ZNF407: variants seen among roughly 807,000 people sequenced by gnomAD.
The protein encoded by ZNF407 is zinc finger protein 407.
ZNF407 carries 17 observed loss-of-function variants against 131.2 expected under a neutral mutation model. That is an observed-to-expected ratio of 0.13 (90% CI 0.09 to 0.19). ZNF407 has a LOEUF of 0.19. ZNF407 is among the 10% of genes least tolerant of loss of function. ZNF407 has a pLI of 1.00. For synonymous variants in ZNF407, 1,156 were observed against 1,062.0 expected (o/e 1.09, Z -1.72); for missense variants, 2,681 against 2,830.6 (o/e 0.95, Z 1.20).
chr18:74,829,796 T>C (rs1301779895), intron 4 of ZNF407, among the ~76,000 whole-genome samples: 3 of 152,234 alleles, frequency 2.0e-5, no homozygotes, highest in African/African-American at 4.8e-5. Flanking sequence ...AATTCTGGTC[T>C]TTCACCTAAG....
chr18:74,985,079 G>A lies in ZNF407; in HGVS notation c.5428+64387G>A, dbSNP rs76903079. Among the ~76,000 whole-genome samples, 1,457 of 152,224 alleles carry A rather than the reference G, an allele frequency of 9.6e-3. 14 individuals carry two copies. Among genetic ancestry groups the A allele is most frequent in the African/African-American group, 0.027 (1,125 of 41,536 alleles). ...GACCCCAAAGACCGAATGCATTGTCGATATTTGAGCACAGTTCTGATTAGT... is the reference window on the plus strand; with the variant it reads ...GACCCCAAAGACCGAATGCATTGTCAATATTTGAGCACAGTTCTGATTAGT... On this transcript the variant is annotated intron_variant, in intron 8 of 8. Coordinates refer to ENST00000299687, the MANE Select transcript of ZNF407 (RefSeq NM_017757.3).
At chr18:74,804,097 G>T in intron 4 of ZNF407, 1 of 1,544,508 alleles carries the variant, frequency 6.5e-7, no homozygotes, top group Non-Finnish European at 8.7e-7. Flanking sequence ...GGGAGGATTG[G>T]CTGAGGACTT....
intron 4 of ZNF407, among the ~76,000 whole-genome samples, chr18:74,807,413 T>G (rs1970127044): frequency 6.6e-6 from 1 of 152,110 alleles, no homozygotes; most frequent in African/African-American, 2.4e-5. Flanking sequence ...TGCATGGATA[T>G]TCATGGGAAG....
chr18:75,005,597 C>T (rs1972899192), intron 8 of ZNF407, among the ~76,000 whole-genome samples: 1 of 152,114 alleles, frequency 6.6e-6, no homozygotes, highest in African/African-American at 2.4e-5. Context: ...TATTTACTTA[C>T]TTAAATGTAA....
chr18:74,693,593 T>A (rs554461265), intron 3 of ZNF407, among the ~76,000 whole-genome samples: 2 of 152,330 alleles, frequency 1.3e-5, no homozygotes, highest in Non-Finnish European at 2.9e-5. Context: ...TCTATTACTT[T>A]ATGAGAAGTC....
chr18:74,942,819 A>G (rs942831987), intron 8 of ZNF407, among the ~76,000 whole-genome samples: 5 of 152,198 alleles, frequency 3.3e-5, no homozygotes, highest in African/African-American at 7.2e-5. Flanking sequence ...CATCTCCAGC[A>G]TCTTATGAGA....
In ZNF407 at chr18:75,014,125, G is replaced by A. The variant is rs114746637; in HGVS notation, c.5429-49025G>A. Among the ~76,000 whole-genome samples, 590 of 152,160 alleles carry A rather than the reference G, an allele frequency of 3.9e-3. 1 individual carries two copies. The highest frequency in any genetic ancestry group is 0.014 in the African/African-American group (563 of 41,520). On this transcript the variant is annotated intron_variant, in intron 8 of 8. Transcript: ENST00000299687. ...ATGTACTAGGGGTTAAAAACAGTGT[G>A]AACTAATCAGTAGGTTCACCCACTG...
chr18:74,935,508 T>G (rs1173559175), intron 8 of ZNF407, among the ~76,000 whole-genome samples: 1 of 152,200 alleles, frequency 6.6e-6, no homozygotes, highest in Non-Finnish European at 1.5e-5. Context: ...ATCCCCCTCA[T>G]GCACATTTAA....
chr18:74,747,038 T>A (rs1968685503), intron 3 of ZNF407, among the ~76,000 whole-genome samples: 1 of 152,200 alleles, frequency 6.6e-6, no homozygotes, highest in Admixed American at 6.6e-5. Context: ...CAGGAATTTT[T>A]CAACTTCATT....
At chr18:74,827,959 T>C (rs1970431378) in intron 4 of ZNF407, among the ~76,000 whole-genome samples, 1 of 152,188 alleles carries the variant, frequency 6.6e-6, no homozygotes, top group Non-Finnish European at 1.5e-5. Flanking sequence ...TTATAGTTAA[T>C]ATTTGTTTGT....
At chr18:74,791,900 A>G (rs1270406498) in intron 4 of ZNF407, among the ~76,000 whole-genome samples, 1 of 152,108 alleles carries the variant, frequency 6.6e-6, no homozygotes, top group Admixed American at 6.5e-5. Flanking sequence ...CTTCATTGAG[A>G]GTTTTCTTTT....
At chr18:74,755,307 G>C (rs996339022) in intron 3 of ZNF407, among the ~76,000 whole-genome samples, 1 of 151,920 alleles carries the variant, frequency 6.6e-6, no homozygotes, top group South Asian at 2.1e-4. Context: ...CAGTTTGCCC[G>C]TCTGTGTCTT....
chr18:74,851,664 TG>T (rs1970785490), intron 4 of ZNF407, among the ~76,000 whole-genome samples: 1 of 152,172 alleles, frequency 6.6e-6, no homozygotes, highest in Admixed American at 6.5e-5. Context: ...TTGTTATATT[TG>T]GGAAATTCTT....
At chr18:74,897,764 T>G (rs963724237) in intron 7 of ZNF407, among the ~76,000 whole-genome samples, 28 of 152,326 alleles carry the variant, frequency 1.8e-4, no homozygotes, top group African/African-American at 6.7e-4. Context: ...CAGTGTAGCT[T>G]ATTAGGAAAA....
chr18:74,982,713 T>C (rs1375419743), intron 8 of ZNF407, among the ~76,000 whole-genome samples: 4 of 152,218 alleles, frequency 2.6e-5, no homozygotes, highest in African/African-American at 9.6e-5. Context: ...GATAAAAATA[T>C]TGTAGCATCT....
At chr18:74,995,253 C>T (rs781747387) in intron 8 of ZNF407, among the ~76,000 whole-genome samples, 6 of 152,098 alleles carry the variant, frequency 3.9e-5, no homozygotes, top group Non-Finnish European at 7.4e-5. Context: ...TGCCAGGAGC[C>T]GTGGCACCTT....
At chr18:74,917,252 C>T (rs1303109749) in intron 7 of ZNF407, among the ~76,000 whole-genome samples, 4 of 152,046 alleles carry the variant, frequency 2.6e-5, no homozygotes, top group African/African-American at 7.3e-5. Flanking sequence ...CAAACGCTTC[C>T]CAGTTCCTTC....
At chr18:74,803,309 C>T (rs932709522) in intron 4 of ZNF407, among the ~76,000 whole-genome samples, 2 of 152,166 alleles carry the variant, frequency 1.3e-5, no homozygotes, top group Admixed American at 1.3e-4. Flanking sequence ...GCACTTCGTC[C>T]CTAATGGGGA....
At chr18:74,751,357 T>A (rs1351118020) in intron 3 of ZNF407, among the ~76,000 whole-genome samples, 2 of 152,156 alleles carry the variant, frequency 1.3e-5, no homozygotes, top group Non-Finnish European at 2.9e-5. Context: ...TTGAAAAGTC[T>A]ATTCTTTTTT....
Sources: allele counts gnomAD v4.1 joint callset (sites outside exome capture counted in the v4.1 genomes callset), GRCh38; gene constraint gnomAD v4.1.1; transcripts MANE v1.5; gene names NCBI Gene and HGNC (gene_info 2026-07-23, HGNC 2026-07-21).